Variants in FYB1 observed in about 807,000 individuals in gnomAD.
FYB1 encodes the protein FYN-binding protein 1.
A neutral mutation model predicts 94.1 loss-of-function variants in FYB1; 41 were observed. That is an observed-to-expected ratio of 0.44 (90% CI 0.34 to 0.57). FYB1 has a LOEUF of 0.57. FYB1 is among the 20% of genes least tolerant of loss of function. The pLI is 0.02. For synonymous variants in FYB1, 367 were observed against 353.2 expected, an observed-to-expected ratio of 1.04 and a Z score of -0.44; for missense variants, 1,050 against 976.8, an observed-to-expected ratio of 1.07 and a Z score of -1.00.
upstream of FYB1, among the ~76,000 whole-genome samples, chr5:39,221,542 C>G (rs1439260279): frequency 6.6e-6 from 1 of 152,176 alleles, no homozygotes; most frequent in African/African-American, 2.4e-5. Context: ...TGGAAATACC[C>G]AGGAATATGT....
chr5:39,201,176 C>T lies in FYB1; in HGVS notation c.1135+650G>A, dbSNP rs114951238. Among the ~76,000 whole-genome samples, 389 of 152,264 alleles carry T rather than the reference C, an allele frequency of 2.6e-3. 3 individuals are homozygous for T. The highest frequency in any genetic ancestry group is 7.9e-3 in the African/African-American group (327 of 41,554). On this transcript the variant is annotated intron_variant, in intron 2 of 18. Coordinates refer to ENST00000512982, the MANE Select transcript of FYB1 (RefSeq NM_001465.6). ...GTACTGCTCCTTTCTCATTTGAATA[C>T]TGGGCTTAGGAAACATGATGAATTG...
At chr5:39,155,871 T>C (rs895288306) in intron 2 of FYB1, among the ~76,000 whole-genome samples, 3 of 152,130 alleles carry the variant, frequency 2.0e-5, no homozygotes, top group Admixed American at 6.5e-5. Flanking sequence ...TCTTTTATCA[T>C]AGAATAAACA....
intron 2 of FYB1, among the ~76,000 whole-genome samples, chr5:39,171,183 G>A (rs1344025244): frequency 6.6e-6 from 1 of 151,914 alleles, no homozygotes. Context: ...CCAGCTACTC[G>A]GGAGGCTGAG....
At chr5:39,236,898 C>G (rs1430776643) in intron 1 of FYB1, among the ~76,000 whole-genome samples, 1 of 152,006 alleles carries the variant, frequency 6.6e-6, no homozygotes, top group Non-Finnish European at 1.5e-5. Flanking sequence ...TGGCACAAGG[C>G]CTAACACGTA....
At chr5:39,189,173 A>G (rs915850476) in intron 2 of FYB1, among the ~76,000 whole-genome samples, 13 of 151,736 alleles carry the variant, frequency 8.6e-5, no homozygotes, top group African/African-American at 2.7e-4. Context: ...ATTTTAACTC[A>G]GGAAAGAACC....
At chr5:39,269,362 T>C (rs768112934) in intron 1 of FYB1, among the ~76,000 whole-genome samples, 14 of 152,092 alleles carry the variant, frequency 9.2e-5, no homozygotes, top group Admixed American at 2.0e-4. Context: ...GTCAAGCTGT[T>C]TTCTAGGAAT....
intron 1 of FYB1, among the ~76,000 whole-genome samples, chr5:39,251,093 G>A (rs1272418739): frequency 1.3e-5 from 2 of 152,052 alleles, no homozygotes; most frequent in Non-Finnish European, 2.9e-5. Flanking sequence ...ATGTCTTGTG[G>A]GTGAATGTAT....
At chr5:39,119,503 T>G in intron 15 of FYB1, 32 bp downstream of exon 15, 1 of 1,446,950 alleles carries the variant, frequency 6.9e-7, no homozygotes, top group Non-Finnish European at 9.2e-7. Context: ...AATAGTGCTT[T>G]GTACTTTGTA....
In FYB1 at chr5:39,159,338, C is replaced by A. The variant is rs568554788; in HGVS notation, c.1136-5734G>T. On this transcript the variant is annotated intron_variant, in intron 2 of 18. Coordinates refer to ENST00000512982, the MANE Select transcript of FYB1 (RefSeq NM_001465.6). ...CAAACAAGAAGAAAAGCTCTAGCAA[C>A]TACATGGCGCTGCCAGAGTCTGTAT... 2.0e-5 allele frequency among the ~76,000 whole-genome samples: 3 copies of A among 152,284 alleles called. No individual in the cohort carries two copies. The South Asian group carries it at 6.2e-4, about 32-fold the overall frequency.
chr5:39,261,194 G>A (rs1234896130), intron 1 of FYB1, among the ~76,000 whole-genome samples: 2 of 151,714 alleles, frequency 1.3e-5, no homozygotes, highest in Admixed American at 6.6e-5. Context: ...GGAGCGAGGG[G>A]AGGGAACATA....
In FYB1 at chr5:39,271,090, G is replaced by A. The variant is rs372089643; in HGVS notation, c.-28+3313C>T. Among the ~76,000 whole-genome samples the A allele has an allele frequency of 2.6e-5, 4 of 151,956 alleles. No homozygotes were observed. The East Asian group carries it at 5.8e-4, about 22-fold the overall frequency. On this transcript the variant is annotated intron_variant, in intron 1 of 1. Coordinates refer to the FYB1 transcript ENST00000510188. ...TTTCTATCTTGGGTATATAGCACTT[G>A]TGTAAAAACATAACTATAATCATTA...
intron 1 of FYB1, among the ~76,000 whole-genome samples, chr5:39,273,756 G>A (rs575840858): frequency 4.2e-4 from 64 of 152,246 alleles, no homozygotes; most frequent in African/African-American, 1.2e-3. Flanking sequence ...CTCACTGAAG[G>A]TGGTGGCTAG....
At chr5:39,175,433 C>T (rs567403206) in intron 2 of FYB1, among the ~76,000 whole-genome samples, 2 of 152,228 alleles carry the variant, frequency 1.3e-5, no homozygotes, top group African/African-American at 4.8e-5. Flanking sequence ...TGGAGTATGC[C>T]GGTGTCCAAT....
Position 39,272,151 on chromosome 5 carries a change from G to T in FYB1, c.-28+2252C>A, listed in dbSNP as rs192300709. ...CCCAGGTTATTATATGAAAATCTGG[G>T]GTTGAAACTCAGGCATCAGTGTATT... On this transcript the variant is annotated intron_variant, in intron 1 of 1. Coordinates refer to the FYB1 transcript ENST00000510188. 2.8e-4 allele frequency among the ~76,000 whole-genome samples: 43 copies of T among 152,182 alleles called. No homozygotes were observed. The East Asian group carries it at 7.9e-3, about 28-fold the overall frequency.
chr5:39,119,677 A>C (rs1739906393), intron 14 of FYB1, 43 bp from the exon 15 acceptor site: 1 of 1,434,006 alleles, frequency 7.0e-7, no homozygotes. Context: ...TTGTTTAGAA[A>C]ATTAAAAAGA....
intron 1 of FYB1, among the ~76,000 whole-genome samples, chr5:39,233,099 G>A (rs1386908048): frequency 1.3e-5 from 2 of 152,150 alleles, no homozygotes; most frequent in Non-Finnish European, 1.5e-5. Flanking sequence ...GGGATGGCTG[G>A]GTCAAATGGT....
intron 9 of FYB1, among the ~76,000 whole-genome samples, chr5:39,132,666 A>T (rs1048166093): frequency 6.6e-6 from 1 of 152,194 alleles, no homozygotes; most frequent in Non-Finnish European, 1.5e-5. Flanking sequence ...GGTTAAACAA[A>T]GTTTCATTCT....
chr5:39,208,062 A>G (rs1749018398), intron 1 of FYB1, among the ~76,000 whole-genome samples: 1 of 152,214 alleles, frequency 6.6e-6, no homozygotes, highest in African/African-American at 2.4e-5. Context: ...ACACCTACAA[A>G]TAACTGTATA....
rs758106992 is a variant in FYB1 at position 39,135,030 on chromosome 5, A to T, written c.1516-16T>A. On this transcript the variant is annotated splice_polypyrimidine_tract_variant and intron_variant, in intron 7 of 18. Transcript: ENST00000512982. Reference sequence around the variant, plus strand: ...GGCCTGTTAGCTGCAAAGAGAAAAAAATAGTCACAAAAGATTTCCTTATAA... The same window carrying T: ...GGCCTGTTAGCTGCAAAGAGAAAAATATAGTCACAAAAGATTTCCTTATAA... The T allele has an allele frequency of 6.2e-7, 1 of 1,609,228 alleles. No individual in the cohort carries two copies. Among genetic ancestry groups the T allele is most frequent in the Admixed American group, 1.7e-5 (1 of 59,220 alleles).
Sources: allele counts gnomAD v4.1 joint callset (sites outside exome capture counted in the v4.1 genomes callset), GRCh38; gene constraint gnomAD v4.1.1; transcripts MANE v1.5; gene names NCBI Gene and HGNC (gene_info 2026-07-23, HGNC 2026-07-21).